The following TSR3 variants were observed in gnomAD, a reference collection of about 807,000 sequenced individuals.
TSR3 encodes 18S rRNA aminocarboxypropyltransferase.
TSR3 carries 31 observed loss-of-function variants against 28.1 expected under a neutral mutation model. The observed-to-expected ratio is 1.10, with a 90% CI of 0.83 to 1.49. The LOEUF (loss-of-function observed/expected upper bound fraction) is 1.49, where lower values mean the gene tolerates loss of function less well. Among genes scored for constraint, TSR3 ranks in the 40% most tolerant of loss-of-function variants. The probability of loss-of-function intolerance (pLI) is 0.00; values close to 1 mark genes in which losing one functional copy is unlikely to be tolerated. For synonymous variants in TSR3, 219 were observed against 197.2 expected, an observed-to-expected ratio of 1.11 and a Z score of -0.93; for missense variants, 511 against 444.0, an observed-to-expected ratio of 1.15 and a Z score of -1.36.
chr16:1,349,257 C>T lies in TSR3; in HGVS notation c.*180G>A. On this transcript the variant is annotated 3_prime_UTR_variant, in exon 6 of 6. Transcript: ENST00000007390. ...CAAGGGGCTTCTTGGCCTGCAGCTT[C>T]ATTTGCGAGAGCGCCGAGGCAGGAC... 1.4e-6 allele frequency: 1 copy of T among 715,418 alleles called. No individual in the cohort carries two copies. Among genetic ancestry groups the T allele is most frequent in the East Asian group, 2.5e-5 (1 of 40,026 alleles). The allele number at this position is 715,418 out of a possible 1,614,324, so 44.3% of individuals were successfully genotyped here.
intron 3 of TSR3, 32 bp downstream of exon 3, chr16:1,350,775 G>T (rs757901677): frequency 1.3e-6 from 2 of 1,596,672 alleles, no homozygotes; most frequent in African/African-American, 2.7e-5. Flanking sequence ...GCAGGCCGCC[G>T]GGTCACACTG....
chr16:1,349,320 G>A lies in TSR3; in HGVS notation c.*117C>T, dbSNP rs149496703. On this transcript the variant is annotated 3_prime_UTR_variant, in exon 6 of 6. Coordinates refer to ENST00000007390, the MANE Select transcript of TSR3 (RefSeq NM_001001410.3). ...TGTGCTGGAAGTGTGGGGAGAACCC[G>A]GACAGCTCAGTCCTGCCAGCAGCCG... 1.3e-3 allele frequency: 1,529 copies of A among 1,165,416 alleles called. 20 individuals are homozygous for A. In the African/African-American group the frequency reaches 0.019, roughly 15 times the overall value. The allele number at this position is 1,165,416 out of a possible 1,614,324, so 72.2% of individuals were successfully genotyped here.
In TSR3 at chr16:1,350,821, G is replaced by A. The variant is rs142807232; in HGVS notation, c.512C>T (p.Thr171Ile). Residue 171 changes from threonine (T) to isoleucine (I), a missense_variant, in exon 3 of 6, where the codon ACC becomes ATC. By Grantham distance (89) the Thr-to-Ile change is moderately conservative (BLOSUM62 -1). Transcript: ENST00000007390. Reference sequence around the variant, plus strand: ...CCTGGACTCACCTACGATGCAGAAGGTGGCAGCAAACGCTTCCACGCAGGA... The same window carrying A: ...CCTGGACTCACCTACGATGCAGAAGATGGCAGCAAACGCTTCCACGCAGGA... ...RLSCVEAFAATFCIVGFPDLA... is the reference protein window; with the variant it reads ...RLSCVEAFAAIFCIVGFPDLA... 821 of 1,612,832 alleles carry A rather than the reference G, an allele frequency of 5.1e-4. 7 individuals carry two copies. The East Asian group carries it at 0.012, about 23-fold the overall frequency.
In TSR3 at chr16:1,350,853, G is replaced by T; in HGVS notation, c.480C>A (p.Tyr160Ter). 1 of 1,613,078 alleles carries T rather than the reference G, an allele frequency of 6.2e-7. No homozygotes were observed. Among genetic ancestry groups the T allele is most frequent in the Non-Finnish European group, 8.5e-7 (1 of 1,179,998 alleles). Residue 160 changes from tyrosine (Y) to a stop codon, truncating the protein, a stop_gained, in exon 3 of 6, where the codon TAC (tyrosine) becomes TAA (stop). Transcript: ENST00000007390. LOFTEE classifies it high-confidence loss of function. ...AANPVNYGRP[Y>*]RLSCVEAFAA... ...CAAACGCTTCCACGCAGGAAAGTCT[G>T]TAGGGCCGGCCATAGTTCACGGGGT... is the stretch of plus-strand genomic sequence containing the variant.
In TSR3 at chr16:1,349,411, C is replaced by G; in HGVS notation, c.*26G>C. The G allele has an allele frequency of 6.2e-7, 1 of 1,613,470 alleles. No homozygotes were observed. Among genetic ancestry groups the G allele is most frequent in the Non-Finnish European group, 8.5e-7 (1 of 1,179,826 alleles). ...TCTCTAGATTTTCTCGTCACCCAGC[C>G]TCAAAAATATATGTGTCTGCAACCC... is the stretch of plus-strand genomic sequence containing the variant. On this transcript the variant is annotated 3_prime_UTR_variant, in exon 6 of 6. Transcript: ENST00000007390.
chr16:1,350,135 C>T lies in TSR3; in HGVS notation c.626G>A (p.Gly209Asp), dbSNP rs1418552655. 19 of 1,612,226 alleles carry T rather than the reference C, an allele frequency of 1.2e-5. No homozygotes were observed. The highest frequency in any genetic ancestry group is 1.6e-5 in the Non-Finnish European group (19 of 1,179,650). The change falls in exon 4 of 6, where the codon GGC becomes GAC. Residue 209 changes from glycine (G) to aspartate (D), a missense_variant. Gly to Asp is a moderately conservative substitution (Grantham distance 94). Coordinates refer to ENST00000007390, the MANE Select transcript of TSR3 (RefSeq NM_001001410.3). ...CGCCTGCAGCACCTCCTCCGGGCTG[C>T]CGCAGGCCGCGTACTTGTCCAGGAG... The part of the protein sequence containing the change: ...RQLLDKYAAC[G>D]SPEEVLQAEQ...
chr16:1,351,499 C>T lies in TSR3; in HGVS notation c.212G>A (p.Arg71Gln), dbSNP rs1050762937. Residue 71 changes from arginine (R) to glutamine (Q), a missense_variant, in exon 2 of 6, where the codon CGG (arginine) becomes CAG (glutamine). Coordinates refer to ENST00000007390, the MANE Select transcript of TSR3 (RefSeq NM_001001410.3). ...AMWELGHCDP[R>Q]RCTGRKLARL... is the part of the protein sequence containing the mutation. ...GGCCAGCTTGCGGCCCGTGCAGCGC[C>T]GGGGGTCGCAGTGGCCCAACTCCCA... 3 of 1,552,664 alleles carry T rather than the reference C, an allele frequency of 1.9e-6. No individual in the cohort carries two copies. The African/African-American group carries it at 4.1e-5, about 21-fold the overall frequency.
chr16:1,351,088 G>C, intron 2 of TSR3, 88 bp from the exon 3 acceptor site: 2 of 1,390,736 alleles, frequency 1.4e-6, no homozygotes, highest in Non-Finnish European at 2.0e-6. Context: ...AAGGGATTCA[G>C]GGACATCATT....
chr16:1,350,606 G>A (rs574074993), intron 3 of TSR3, among the ~76,000 whole-genome samples: 1 of 152,156 alleles, frequency 6.6e-6, no homozygotes, highest in African/African-American at 2.4e-5. Context: ...ATAGAACAGC[G>A]ATCCCATTCT....
Position 1,349,289 on chromosome 16 carries a change from C to A in TSR3, c.*148G>T. 4 of 883,636 alleles carry A rather than the reference C, an allele frequency of 4.5e-6. No individual in the cohort carries two copies. Among genetic ancestry groups the A allele is most frequent in the South Asian group, 4.3e-5 (3 of 69,348 alleles). 54.7% of individuals were successfully genotyped at this position (883,636 alleles called of 1,614,324 possible). On this transcript the variant is annotated 3_prime_UTR_variant, in exon 6 of 6. Coordinates refer to ENST00000007390, the MANE Select transcript of TSR3 (RefSeq NM_001001410.3). ...GAGAGCGCCGAGGCAGGACACAGAG[C>A]ACAGCTGTGCTGGAAGTGTGGGGAG... is the stretch of plus-strand genomic sequence containing the variant.
chr16:1,351,069 G>C, intron 2 of TSR3, 69 bp from the exon 3 acceptor site: 1 of 1,502,190 alleles, frequency 6.7e-7, no homozygotes. Flanking sequence ...CCCGGAGAAT[G>C]GCCTAGCTAA....
At chr16:1,350,749 G>A (rs930681532) in intron 3 of TSR3, 58 bp downstream of exon 3, 9 of 1,555,914 alleles carry the variant, frequency 5.8e-6, no homozygotes, top group African/African-American at 1.4e-5. Context: ...ATGATGCTGG[G>A]AGCATAGCAG....
rs868174441 is a variant in TSR3 at position 1,351,825 on chromosome 16, G to A, written c.-21C>T. 91 of 1,303,206 alleles carry A rather than the reference G, an allele frequency of 7.0e-5. No homozygotes were observed. The highest frequency in any genetic ancestry group is 8.5e-5 in the Non-Finnish European group (88 of 1,030,870). The allele number at this position is 1,303,206 out of a possible 1,614,324, so 80.7% of individuals were successfully genotyped here. Reference sequence around the variant, plus strand: ...CCCATGGCGCGGACCTGGGGTGCCGGGGACTCCCCACCCCACGGCCGCGCC... The same window carrying A: ...CCCATGGCGCGGACCTGGGGTGCCGAGGACTCCCCACCCCACGGCCGCGCC... On this transcript the variant is annotated 5_prime_UTR_variant, in exon 1 of 6. Coordinates refer to ENST00000007390, the MANE Select transcript of TSR3 (RefSeq NM_001001410.3).
chr16:1,351,805 G>A lies in TSR3; in HGVS notation c.-1C>T. 3 of 1,323,788 alleles carry A rather than the reference G, an allele frequency of 2.3e-6. No homozygotes were observed. Among genetic ancestry groups the A allele is most frequent in the Non-Finnish European group, 2.9e-6 (3 of 1,043,094 alleles). 82.0% of individuals were successfully genotyped at this position (1,323,788 alleles called of 1,614,324 possible). ...CGCGCGCTGCCCTCCTGCGGCCCATGGCGCGGACCTGGGGTGCCGGGGACT... is the reference window on the plus strand; with the variant it reads ...CGCGCGCTGCCCTCCTGCGGCCCATAGCGCGGACCTGGGGTGCCGGGGACT... On this transcript the variant is annotated 5_prime_UTR_variant, in exon 1 of 6. Transcript: ENST00000007390.
At chr16:1,349,769 G>C (rs1371599077) in intron 5 of TSR3, 120 bp downstream of exon 5, 1 of 1,405,126 alleles carries the variant, frequency 7.1e-7, no homozygotes, top group Non-Finnish European at 9.9e-7. Context: ...AGGTTTTCTA[G>C]TCAGAAGACC....
At chr16:1,350,747 G>A (rs921951629) in intron 3 of TSR3, 60 bp downstream of exon 3, 3 of 1,548,892 alleles carry the variant, frequency 1.9e-6, no homozygotes, top group Non-Finnish European at 2.6e-6. Context: ...ACATGATGCT[G>A]GGAGCATAGC....
In TSR3 at chr16:1,351,548, C is replaced by T. The variant is rs2034680917; in HGVS notation, c.163G>A (p.Ala55Thr). The change falls in exon 2 of 6, where the codon GCG (alanine) becomes ACG (threonine). Residue 55 changes from alanine (A) to threonine (T), a missense_variant. Ala to Thr is a moderately conservative substitution (Grantham distance 58, BLOSUM62 0). Coordinates refer to ENST00000007390, the MANE Select transcript of TSR3 (RefSeq NM_001001410.3). ...CACATGGCCAGCGTGCAGGGCAGCG[C>T]CGCCGGGCCCGGGCCGCCCTCGCCG... ...ADGEGGPGPA[A>T]LPCTLAMWEL... 1.4e-6 allele frequency: 2 copies of T among 1,480,406 alleles called. No homozygotes were observed. The highest frequency in any genetic ancestry group is 1.8e-6 in the Non-Finnish European group (2 of 1,124,678). The allele number at this position is 1,480,406 out of a possible 1,614,324, so 91.7% of individuals were successfully genotyped here. A position where few individuals can be genotyped will look rare whatever the true frequency, so the allele number is the denominator to read the frequency against.
chr16:1,351,632 C>T, intron 1 of TSR3, 34 bp from the exon 2 acceptor site: 1 of 1,441,250 alleles, frequency 6.9e-7, no homozygotes, highest in Non-Finnish European at 9.0e-7. Flanking sequence ...TCGGCCTCAG[C>T]GTGGGACCCC....
intron 2 of TSR3, 53 bp from the exon 3 acceptor site, chr16:1,351,053 G>A: frequency 6.4e-7 from 1 of 1,562,390 alleles, no homozygotes; most frequent in Non-Finnish European, 8.7e-7. Flanking sequence ...CCAAGGTGGA[G>A]CATGCCCCGG....
Sources: gnomAD v4.1 joint callset for allele counts (sites outside exome capture counted in the v4.1 genomes callset) on GRCh38, gnomAD v4.1.1 for gene constraint, MANE v1.5 for transcripts, NCBI Gene and HGNC (gene_info 2026-07-23, HGNC 2026-07-21) for gene names.